The following PSMA1 variants were observed in gnomAD, a reference collection of about 807,000 sequenced individuals.
PSMA1 encodes proteasome 20S subunit alpha 1, also known as proteasome subunit alpha type-1.
PSMA1 carries 3 observed loss-of-function variants against 38.4 expected under a neutral mutation model. The observed-to-expected ratio is 0.08, with a 90% CI of 0.04 to 0.20. The LOEUF (loss-of-function observed/expected upper bound fraction) is 0.20. Ranked by LOEUF, PSMA1 falls within the 10% of genes least tolerant of loss-of-function variation. The pLI is 1.00. For synonymous variants in PSMA1, 101 were observed against 107.1 expected (o/e 0.94, Z 0.35); for missense variants, 227 against 325.3 (o/e 0.70, Z 2.32).
chr11:14,551,298 C>T (rs1211782692), intron 2 of PSMA1, among the ~76,000 whole-genome samples: 1 of 151,976 alleles, frequency 6.6e-6, no homozygotes, highest in East Asian at 1.9e-4. Flanking sequence ...GGAAGGCTAA[C>T]CCAAAAGCAA....
At chr11:14,580,271 C>G (rs1255589604) in intron 2 of PSMA1, among the ~76,000 whole-genome samples, 1 of 152,206 alleles carries the variant, frequency 6.6e-6, no homozygotes, top group Non-Finnish European at 1.5e-5. Context: ...ACTGTCTGCT[C>G]CTGCCATACT....
At chr11:14,592,386 ATATATATATTT>A (rs1241614966) in intron 2 of PSMA1, among the ~76,000 whole-genome samples, 9 of 134,568 alleles carry the variant, frequency 6.7e-5, no homozygotes, top group East Asian at 4.3e-4. Flanking sequence ...CTATATATAT[ATATATATATTT>A]TTTTTTTAGA....
intron 2 of PSMA1, among the ~76,000 whole-genome samples, chr11:14,607,006 G>A (rs1249920965): frequency 6.6e-6 from 1 of 152,120 alleles, no homozygotes; most frequent in Non-Finnish European, 1.5e-5. Context: ...TGATATAGAG[G>A]AACAGAATAG....
At chr11:14,522,658 A>G (rs1236059004), upstream of PSMA1, among the ~76,000 whole-genome samples, 1 of 151,992 alleles carries the variant, frequency 6.6e-6, no homozygotes, top group East Asian at 1.9e-4. Context: ...TTGGCTGTTT[A>G]TGTTACTTTA....
chr11:14,511,028 C>G, intron 7 of PSMA1, 77 bp from the exon 8 acceptor site: 1 of 1,043,208 alleles, frequency 9.6e-7, no homozygotes, highest in Admixed American at 2.7e-5. Context: ...AATCTACAGT[C>G]TCAAATTGTG....
intron 2 of PSMA1, among the ~76,000 whole-genome samples, chr11:14,585,946 C>T (rs1852340754): frequency 6.6e-6 from 1 of 152,166 alleles, no homozygotes; most frequent in Non-Finnish European, 1.5e-5. Flanking sequence ...TGGGATTTCT[C>T]TTCTCAGTAT....
intron 2 of PSMA1, among the ~76,000 whole-genome samples, chr11:14,555,857 T>C (rs1336782505): frequency 6.6e-6 from 1 of 152,226 alleles, no homozygotes; most frequent in African/African-American, 2.4e-5. Flanking sequence ...TTGTTTTCCC[T>C]TTAGTTAATA....
At chr11:14,536,613 T>A (rs969498199) in intron 2 of PSMA1, among the ~76,000 whole-genome samples, 4 of 150,990 alleles carry the variant, frequency 2.6e-5, no homozygotes, top group African/African-American at 9.8e-5. Flanking sequence ...AAAAAATTTT[T>A]TTTTATTTTT....
At chr11:14,564,478 A>G (rs2134174775) in intron 2 of PSMA1, among the ~76,000 whole-genome samples, 1 of 152,310 alleles carries the variant, frequency 6.6e-6, no homozygotes, top group Non-Finnish European at 1.5e-5. Flanking sequence ...AGTTTTTGGT[A>G]TTACAAATAA....
intron 2 of PSMA1, among the ~76,000 whole-genome samples, chr11:14,551,070 C>T (rs1258970694): frequency 6.6e-6 from 1 of 152,148 alleles, no homozygotes. Context: ...AGTGACATTA[C>T]TGTTGTGTCA....
chr11:14,535,513 G>A (rs745669417), intron 2 of PSMA1, among the ~76,000 whole-genome samples: 4 of 148,850 alleles, frequency 2.7e-5, no homozygotes, highest in Non-Finnish European at 4.4e-5. Flanking sequence ...GCACGATCTC[G>A]GCTCACTGCA....
chr11:14,542,985 A>G (rs1023208269), intron 2 of PSMA1, among the ~76,000 whole-genome samples: 1 of 152,024 alleles, frequency 6.6e-6, no homozygotes, highest in Non-Finnish European at 1.5e-5. Context: ...CCTCCCGAGT[A>G]GCTGGGATTA....
At position 14,635,171 on chromosome 11, in the gene PSMA1, GAATAAAATC is replaced by G. The variant is rs560183584; in HGVS notation, c.-166+8275_-166+8283del. Among the ~76,000 whole-genome samples the G allele has an allele frequency of 2.3e-3, 343 of 152,190 alleles. 1 individual carries two copies. Among genetic ancestry groups the G allele is most frequent in the Non-Finnish European group, 2.2e-3 (147 of 67,990 alleles). ...ACCTGTAAAAAGGAGGGTCTCTAAG[GAATAAAATC>G]AGCCATAGCCATGAAGTTTACTGGT... is the stretch of plus-strand genomic sequence containing the variant. On this transcript the variant is annotated intron_variant, in intron 1 of 10. Transcript: ENST00000418988.
At chr11:14,643,285 C>G (rs1190810203) in intron 1 of PSMA1, among the ~76,000 whole-genome samples, 1 of 151,964 alleles carries the variant, frequency 6.6e-6, no homozygotes, top group East Asian at 2.0e-4. Flanking sequence ...AAACTGGTCA[C>G]AGTCTGAAGA....
intron 2 of PSMA1, among the ~76,000 whole-genome samples, chr11:14,591,943 C>T (rs1258330377): frequency 5.3e-5 from 8 of 152,136 alleles, no homozygotes; most frequent in Admixed American, 1.3e-4. Context: ...TTTAGGTCCA[C>T]GCTGCTTTTA....
At chr11:14,564,819 C>T (rs1460462135) in intron 2 of PSMA1, among the ~76,000 whole-genome samples, 3 of 150,518 alleles carry the variant, frequency 2.0e-5, no homozygotes, top group South Asian at 2.1e-4. Flanking sequence ...CACTCTGTTG[C>T]CCAGGCTGGA....
In PSMA1 at chr11:14,556,383, T is replaced by G. The variant is rs188720636; in HGVS notation, c.22-37342A>C. Among the ~76,000 whole-genome samples the G allele has an allele frequency of 2.6e-5, 4 of 152,336 alleles. No individual in the cohort carries two copies. In the East Asian group the frequency reaches 7.7e-4, roughly 29 times the overall value. The stretch of plus-strand genomic sequence containing the variant: ...ATGTTGCTGTTGATATGTTTTACAT[T>G]AATAATATTTCCTACGGGACATGAA... On this transcript the variant is annotated intron_variant, in intron 2 of 10. Transcript: ENST00000418988.
intron 1 of PSMA1, among the ~76,000 whole-genome samples, chr11:14,621,915 T>C (rs1041465268): frequency 1.3e-5 from 2 of 152,216 alleles, no homozygotes; most frequent in African/African-American, 4.8e-5. Context: ...CCAGACACTA[T>C]TGTAAACACT....
intron 8 of PSMA1, among the ~76,000 whole-genome samples, chr11:14,508,571 A>AAAAAAAAAAAAAAAAAAAG (rs1190465759): frequency 6.7e-6 from 1 of 149,572 alleles, no homozygotes; most frequent in Non-Finnish European, 1.5e-5. Flanking sequence ...CAAAAAAAAA[A>AAAAAAAAAAAAAAAAAAAG]AAAAAACCCA....
Sources: allele counts gnomAD v4.1 joint callset (sites outside exome capture counted in the v4.1 genomes callset), GRCh38; gene constraint gnomAD v4.1.1; transcripts MANE v1.5; gene names NCBI Gene and HGNC (gene_info 2026-07-23, HGNC 2026-07-21).